CAMTA1: variants seen among roughly 807,000 people sequenced by gnomAD.
CAMTA1 encodes the protein calmodulin-binding transcription activator 1.
In CAMTA1, 27 loss-of-function variants were observed where a neutral mutation model predicts 170.9. That is an observed-to-expected ratio of 0.16 (90% CI 0.12 to 0.22). The LOEUF (loss-of-function observed/expected upper bound fraction) is 0.22. CAMTA1 is among the 10% of genes least tolerant of loss of function. CAMTA1 has a pLI of 1.00. For synonymous variants in CAMTA1, 833 were observed against 891.5 expected, an observed-to-expected ratio of 0.93 and a Z score of 1.17; for missense variants, 1,619 against 2,217.2, an observed-to-expected ratio of 0.73 and a Z score of 5.42.
At chr1:6,911,007 A>C (rs1472307436) in intron 3 of CAMTA1, among the ~76,000 whole-genome samples, 1 of 152,238 alleles carries the variant, frequency 6.6e-6, no homozygotes, top group Non-Finnish European at 1.5e-5. Context: ...ATTGCAGTAC[A>C]TCTGCTAATG....
chr1:7,031,997 G>C (rs1350818326), intron 3 of CAMTA1, among the ~76,000 whole-genome samples: 1 of 151,828 alleles, frequency 6.6e-6, no homozygotes, highest in African/African-American at 2.4e-5. Flanking sequence ...ATGGAGTCCT[G>C]CTCTGTTGCC....
At chr1:7,715,088 T>C (rs2096598984) in intron 11 of CAMTA1, among the ~76,000 whole-genome samples, 1 of 152,204 alleles carries the variant, frequency 6.6e-6, no homozygotes, top group Non-Finnish European at 1.5e-5. Flanking sequence ...CCTGATCTGC[T>C]ATTAATCACA....
At chr1:7,157,542 A>T (rs1170442087) in intron 4 of CAMTA1, among the ~76,000 whole-genome samples, 1 of 152,188 alleles carries the variant, frequency 6.6e-6, no homozygotes, top group East Asian at 1.9e-4. Flanking sequence ...AAGACTGAGG[A>T]TACCATAAGC....
intron 7 of CAMTA1, among the ~76,000 whole-genome samples, chr1:7,657,675 C>CA (rs1291056398): frequency 6.6e-6 from 1 of 152,168 alleles, no homozygotes; most frequent in Non-Finnish European, 1.5e-5. Flanking sequence ...TGTTGGGAAG[C>CA]AGAGCATGAC....
At chr1:7,378,668 T>C (rs1458734884) in intron 5 of CAMTA1, among the ~76,000 whole-genome samples, 3 of 152,118 alleles carry the variant, frequency 2.0e-5, no homozygotes, top group African/African-American at 7.2e-5. Context: ...GTTTTAGAAC[T>C]AGACAGTGGT....
chr1:6,903,101 A>G (rs1369431045), intron 3 of CAMTA1, among the ~76,000 whole-genome samples: 1 of 152,236 alleles, frequency 6.6e-6, no homozygotes, highest in East Asian at 1.9e-4. Flanking sequence ...AATACTGCTG[A>G]GTAATAAAAA....
chr1:7,345,950 A>G (rs845245), intron 5 of CAMTA1, among the ~76,000 whole-genome samples: 101,144 of 152,028 alleles, frequency 0.67, 33,832 homozygotes, highest in East Asian at 0.81. Context: ...GTTTTGGGGT[A>G]CAGGGAAACC....
chr1:7,167,232 A>G (rs908556196), intron 4 of CAMTA1, among the ~76,000 whole-genome samples: 2 of 152,172 alleles, frequency 1.3e-5, no homozygotes, highest in African/African-American at 4.8e-5. Context: ...TGGCTTTCAC[A>G]TCCAAGTTTT....
chr1:6,933,617 A>C (rs957421455), intron 3 of CAMTA1, among the ~76,000 whole-genome samples: 1 of 148,602 alleles, frequency 6.7e-6, no homozygotes, highest in Admixed American at 6.7e-5. Context: ...CCTATAGTCT[A>C]TTTTCAGTTA....
At chr1:7,240,932 A>G (rs1197818643) in intron 4 of CAMTA1, among the ~76,000 whole-genome samples, 1 of 152,202 alleles carries the variant, frequency 6.6e-6, no homozygotes, top group Non-Finnish European at 1.5e-5. Flanking sequence ...CTTCTATTCA[A>G]CATTGGACTG....
At chr1:7,530,812 G>GTTTTTT (rs34013817) in intron 6 of CAMTA1, among the ~76,000 whole-genome samples, 16 of 100,772 alleles carry the variant, frequency 1.6e-4, no homozygotes, top group Non-Finnish European at 1.9e-4. Context: ...GTGAGCTCTT[G>GTTTTTT]TTTTTTTTTT....
chr1:7,645,642 C>T (rs112119783), intron 7 of CAMTA1, among the ~76,000 whole-genome samples: 2 of 152,362 alleles, frequency 1.3e-5, no homozygotes, highest in African/African-American at 4.8e-5. Context: ...CAGCAGGCAG[C>T]TCCCCCAGCC....
chr1:7,428,038 G>A (rs568650962), intron 5 of CAMTA1, among the ~76,000 whole-genome samples: 2 of 152,298 alleles, frequency 1.3e-5, no homozygotes, highest in East Asian at 3.9e-4. Context: ...GGCAGCACTG[G>A]AGTCGGCGTC....
chr1:7,759,405 G>A (rs2096958196), intron 22 of CAMTA1, among the ~76,000 whole-genome samples: 1 of 152,100 alleles, frequency 6.6e-6, no homozygotes, highest in South Asian at 2.1e-4. Flanking sequence ...TTTTCACTGA[G>A]TACAGCTCAC....
At position 7,300,972 on chromosome 1, in the gene CAMTA1, G is replaced by A. The variant is rs1377500069; in HGVS notation, c.438+51346G>A. ...TAGATGAGATACAACACACACATTG[G>A]ATTCTAGCAGCAATTACCCACCATC... On this transcript the variant is annotated intron_variant, in intron 5 of 22. Transcript: ENST00000303635. This position sits in a 1 kb window ranked among gnomAD's most constrained non-coding sequence, Gnocchi z 4.1. Among the ~76,000 whole-genome samples, 2 of 152,144 alleles carry A rather than the reference G, an allele frequency of 1.3e-5. No homozygotes were observed. The highest frequency in any genetic ancestry group is 2.9e-5 in the Non-Finnish European group (2 of 68,018).
intron 2 of CAMTA1, among the ~76,000 whole-genome samples, chr1:6,820,902 T>C (rs946973701): frequency 6.6e-6 from 1 of 152,220 alleles, no homozygotes; most frequent in Non-Finnish European, 1.5e-5. Context: ...AAGTGATGGC[T>C]TACAGGGCTG....
intron 5 of CAMTA1, among the ~76,000 whole-genome samples, chr1:7,343,673 C>G (rs552200584): frequency 6.6e-6 from 1 of 152,298 alleles, no homozygotes; most frequent in East Asian, 1.9e-4. Flanking sequence ...TCATCACAAC[C>G]CTGAATTTGT....
intron 11 of CAMTA1, among the ~76,000 whole-genome samples, chr1:7,722,953 A>T (rs1047484554): frequency 5.9e-5 from 9 of 152,222 alleles, no homozygotes; most frequent in East Asian, 1.9e-4. Context: ...GCTCTAATAA[A>T]CACTGCAGTG....
chr1:7,539,451 T>C (rs1384087004), intron 6 of CAMTA1, among the ~76,000 whole-genome samples: 1 of 152,242 alleles, frequency 6.6e-6, no homozygotes, highest in Non-Finnish European at 1.5e-5. Flanking sequence ...GGCCATGTGT[T>C]TCAAGAGAAA....
Sources: allele counts gnomAD v4.1 joint callset (sites outside exome capture counted in the v4.1 genomes callset), GRCh38; gene constraint gnomAD v4.1.1; non-coding constraint Gnocchi (gnomAD v3.1); transcripts MANE v1.5; gene names NCBI Gene and HGNC (gene_info 2026-07-23, HGNC 2026-07-21).